DNAH14: variants seen among roughly 807,000 people sequenced by gnomAD.
DNAH14 encodes the protein dynein axonemal heavy chain 14, also known as axonemal beta dynein heavy chain 14.
A neutral mutation model predicts 520.9 loss-of-function variants in DNAH14; 478 were observed. That is an observed-to-expected ratio of 0.92 (90% CI 0.85 to 0.99). The LOEUF (loss-of-function observed/expected upper bound fraction) is 0.99. Ranked by LOEUF, DNAH14 falls within the 50% of genes least tolerant of loss-of-function variation. The pLI is 0.00. For synonymous variants in DNAH14, 1,581 were observed against 1,757.2 expected (o/e 0.90, Z 2.51); for missense variants, 4,831 against 5,234.5 (o/e 0.92, Z 2.38).
At chr1:225,297,805 G>C (rs575603819) in intron 55 of DNAH14, among the ~76,000 whole-genome samples, 13 of 152,344 alleles carry the variant, frequency 8.5e-5, no homozygotes, top group African/African-American at 3.1e-4. Context: ...TGGGGCCATA[G>C]GGCTATTGCT....
chr1:225,117,261 T>C (rs2076934078), intron 23 of DNAH14, among the ~76,000 whole-genome samples: 2 of 151,978 alleles, frequency 1.3e-5, no homozygotes, highest in Admixed American at 1.3e-4. Context: ...GTCTATAAAG[T>C]GATAACCACA....
intron 54 of DNAH14, among the ~76,000 whole-genome samples, chr1:225,283,290 A>G (rs1574503744): frequency 2.6e-5 from 4 of 152,210 alleles, no homozygotes; most frequent in Non-Finnish European, 1.5e-5. Flanking sequence ...CAAAAGCCAC[A>G]CGTTAGATTC....
chr1:224,961,757 C>T lies in DNAH14; in HGVS notation c.367+1455C>T, dbSNP rs192153584. 2.0e-3 allele frequency among the ~76,000 whole-genome samples: 308 copies of T among 152,188 alleles called. 1 individual carries two copies. The highest frequency in any genetic ancestry group is 3.7e-3 in the Non-Finnish European group (253 of 67,988). On this transcript the variant is annotated intron_variant, in intron 4 of 85. Transcript: ENST00000682510. Reference sequence around the variant, plus strand: ...CACAGAGCCAAACCATATTATGCATCCAGGAAACTGACACAGTGGCTTTAT... The same window carrying T: ...CACAGAGCCAAACCATATTATGCATTCAGGAAACTGACACAGTGGCTTTAT...
chr1:225,189,758 C>A lies in DNAH14; in HGVS notation c.5671-2938C>A, dbSNP rs572379421. Among the ~76,000 whole-genome samples the A allele has an allele frequency of 2.6e-5, 4 of 152,024 alleles. No homozygotes were observed. The South Asian group carries it at 8.3e-4, about 31-fold the overall frequency. On this transcript the variant is annotated intron_variant, in intron 37 of 85. Transcript: ENST00000682510. ...TGTTTCTTCACTATGCCAATTTCTT[C>A]TTTTAATTGGCAAACTTAATCTATT...
intron 38 of DNAH14, among the ~76,000 whole-genome samples, chr1:225,194,566 A>G (rs938872648): frequency 6.6e-6 from 1 of 152,176 alleles, no homozygotes; most frequent in African/African-American, 2.4e-5. Context: ...GTAAAACTTG[A>G]AACTATAGAA....
chr1:225,039,871 C>T (rs1407055142), intron 12 of DNAH14, among the ~76,000 whole-genome samples: 3 of 52,052 alleles, frequency 5.8e-5, no homozygotes, highest in Non-Finnish European at 1.7e-4. Flanking sequence ...GAGCGAGACT[C>T]CGTCTCAAAA....
intron 17 of DNAH14, among the ~76,000 whole-genome samples, chr1:225,073,642 G>GTTGTTGTTGTTTTCGGTTTT (rs2071825815): frequency 6.6e-6 from 1 of 151,522 alleles, no homozygotes; most frequent in Non-Finnish European, 1.5e-5. Context: ...GTTTGTTGTT[G>GTTGTTGTTGTTTTCGGTTTT]TTGTTGTTGT....
intron 37 of DNAH14, among the ~76,000 whole-genome samples, chr1:225,187,948 G>C (rs1273251634): frequency 1.3e-5 from 2 of 151,466 alleles, no homozygotes; most frequent in African/African-American, 4.8e-5. Context: ...TTTTACATAG[G>C]GATATCCAGC....
chr1:225,044,049 A>T (rs2067720662), intron 15 of DNAH14, 66 bp downstream of exon 15: 1 of 921,148 alleles, frequency 1.1e-6, no homozygotes. Context: ...AAATTTAAGC[A>T]TCTGATGCCT....
chr1:225,271,844 A>T (rs1558223505), intron 50 of DNAH14, 62 bp from the exon 51 acceptor site: 11 of 1,327,160 alleles, frequency 8.3e-6, no homozygotes, highest in Non-Finnish European at 1.1e-5. Context: ...AGTGGAAGGT[A>T]GCCAGAAGTA....
At chr1:225,221,472 C>A (rs1574094852) in intron 41 of DNAH14, among the ~76,000 whole-genome samples, 1 of 151,378 alleles carries the variant, frequency 6.6e-6, no homozygotes, top group Admixed American at 6.6e-5. Context: ...AAAAAGAAAA[C>A]CATCAAAAAG....
At chr1:225,099,384 T>G (rs922663705) in intron 22 of DNAH14, among the ~76,000 whole-genome samples, 1 of 152,132 alleles carries the variant, frequency 6.6e-6, no homozygotes. Context: ...CTTAGACCAG[T>G]GATTTTCAAC....
intron 38 of DNAH14, among the ~76,000 whole-genome samples, chr1:225,197,045 T>A (rs4653614): frequency 0.13 from 19,401 of 152,198 alleles, 1,374 homozygotes; most frequent in East Asian, 0.31. Context: ...AACTCTTTAA[T>A]TAAGTCCCAG....
intron 60 of DNAH14, among the ~76,000 whole-genome samples, chr1:225,315,860 T>G (rs2094457780): frequency 6.6e-6 from 1 of 152,188 alleles, no homozygotes; most frequent in South Asian, 2.1e-4. Flanking sequence ...CTCCTGTCTG[T>G]CAATCCCTGC....
At chr1:225,380,841 C>T (rs1021495024) in intron 80 of DNAH14, among the ~76,000 whole-genome samples, 16 of 152,272 alleles carry the variant, frequency 1.1e-4, no homozygotes, top group Non-Finnish European at 1.8e-4. Context: ...CATATTTTAT[C>T]CCTTTGCAGA....
At chr1:225,115,198 G>A (rs960569093) in intron 23 of DNAH14, among the ~76,000 whole-genome samples, 26 of 149,692 alleles carry the variant, frequency 1.7e-4, no homozygotes, top group African/African-American at 6.2e-4. Context: ...TAGAGCTGGC[G>A]GAGGGGTGAC....
intron 41 of DNAH14, among the ~76,000 whole-genome samples, chr1:225,224,804 A>G (rs528230942): frequency 3.2e-4 from 48 of 152,140 alleles, no homozygotes; most frequent in Non-Finnish European, 5.7e-4. Flanking sequence ...GAGCCTTAAT[A>G]TTGGCCCTGG....
intron 36 of DNAH14, 110 bp downstream of exon 36, chr1:225,168,138 T>G (rs1027921754): frequency 5.8e-5 from 40 of 690,824 alleles, no homozygotes; most frequent in Non-Finnish European, 8.8e-5. Flanking sequence ...TATAATTTTT[T>G]TTAATTAAAG....
chr1:225,002,603 G>A (rs961919430), intron 8 of DNAH14, among the ~76,000 whole-genome samples, 180 bp from the exon 9 acceptor site: 1 of 151,862 alleles, frequency 6.6e-6, no homozygotes, highest in South Asian at 2.1e-4. Context: ...CCAAAACCTT[G>A]CCTACAACAT....
Sources: gnomAD v4.1 joint callset for allele counts (sites outside exome capture counted in the v4.1 genomes callset) on GRCh38, gnomAD v4.1.1 for gene constraint, MANE v1.5 for transcripts, NCBI Gene and HGNC (gene_info 2026-07-23, HGNC 2026-07-21) for gene names.